Variants in KCTD8 observed in about 807,000 individuals in gnomAD.
KCTD8 encodes BTB/POZ domain-containing protein KCTD8.
In KCTD8, 27 loss-of-function variants were observed where a neutral mutation model predicts 31.5. The ratio of observed to expected loss-of-function variants is 0.86; its 90% CI spans 0.63 to 1.18. KCTD8 has a LOEUF of 1.18. Among genes scored for constraint, KCTD8 ranks in the 50% most tolerant of loss-of-function variants. The pLI is 0.00. For missense variants in KCTD8, 658 were observed against 647.7 expected (o/e 1.02, Z -0.17); for synonymous variants, 290 against 280.0 (o/e 1.04, Z -0.36).
intron 1 of KCTD8, among the ~76,000 whole-genome samples, chr4:44,276,966 A>G (rs1716768668): frequency 6.6e-6 from 1 of 151,976 alleles, no homozygotes; most frequent in African/African-American, 2.4e-5. Flanking sequence ...CAGCCTAGCT[A>G]CTTAACTCTG....
intron 1 of KCTD8, among the ~76,000 whole-genome samples, chr4:44,323,971 CAGCATGGCACATGT>C: frequency 6.7e-6 from 1 of 149,910 alleles, no homozygotes; most frequent in East Asian, 2.0e-4. Context: ...TGCAGCGCAC[CAGCATGGCACATGT>C]ATACATATGT....
At chr4:44,406,871 A>G (rs2109460712) in intron 1 of KCTD8, among the ~76,000 whole-genome samples, 1 of 152,328 alleles carries the variant, frequency 6.6e-6, no homozygotes, top group South Asian at 2.1e-4. Flanking sequence ...TTCTGTTCTC[A>G]GGTTAATTTT....
chr4:44,331,967 C>A (rs1228059523), intron 1 of KCTD8, among the ~76,000 whole-genome samples: 1 of 151,336 alleles, frequency 6.6e-6, no homozygotes, highest in Non-Finnish European at 1.5e-5. Context: ...CTTCAAAAAC[C>A]CGAAATAAGG....
At chr4:44,240,969 CT>C (rs1715441530) in intron 1 of KCTD8, among the ~76,000 whole-genome samples, 1 of 152,218 alleles carries the variant, frequency 6.6e-6, no homozygotes, top group African/African-American at 2.4e-5. Context: ...TCTCCATGAT[CT>C]CAGGCAGAAT....
chr4:44,175,338 T>C, intron 1 of KCTD8, 88 bp from the exon 2 acceptor site: 1 of 786,654 alleles, frequency 1.3e-6, no homozygotes, highest in South Asian at 2.3e-5. Flanking sequence ...TATTTTCTAT[T>C]TTAAACCAAG....
intron 1 of KCTD8, among the ~76,000 whole-genome samples, chr4:44,299,772 C>CT (rs576621306): frequency 0.3 from 40,156 of 134,468 alleles, 7,248 homozygotes; most frequent in Non-Finnish European, 0.42. Context: ...TTTTCCTTTT[C>CT]TTTTTTTTTT....
At chr4:44,372,558 A>C (rs1231876477) in intron 1 of KCTD8, among the ~76,000 whole-genome samples, 1 of 152,176 alleles carries the variant, frequency 6.6e-6, no homozygotes, top group Non-Finnish European at 1.5e-5. Context: ...AAAGAAGAAA[A>C]AGAGGATGTC....
At chr4:44,197,482 C>G (rs555302499) in intron 1 of KCTD8, among the ~76,000 whole-genome samples, 1 of 152,096 alleles carries the variant, frequency 6.6e-6, no homozygotes, top group Non-Finnish European at 1.5e-5. Context: ...TGCTAAAATA[C>G]AAAAGAGCCA....
intron 1 of KCTD8, among the ~76,000 whole-genome samples, chr4:44,256,841 T>A (rs1449920936): frequency 6.6e-6 from 1 of 151,950 alleles, no homozygotes; most frequent in African/African-American, 2.4e-5. Flanking sequence ...TCATTTTAGA[T>A]TGCTGACTTC....
At position 44,448,672 on chromosome 4, in the gene KCTD8, C is replaced by T. The variant is rs912576484; in HGVS notation, c.-149G>A. 1 of 833,638 alleles carries T rather than the reference C, an allele frequency of 1.2e-6. No homozygotes were observed. The highest frequency in any genetic ancestry group is 5.7e-5 in the South Asian group (1 of 17,526). The allele number at this position is 833,638 out of a possible 1,614,324, so 51.6% of individuals were successfully genotyped here. ...GACCGGGGCGGCCCCGCTCAGGGTTCGGGGCAGCGGCGGCGTCGGCGGCGC... is the reference window on the plus strand; with the variant it reads ...GACCGGGGCGGCCCCGCTCAGGGTTTGGGGCAGCGGCGGCGTCGGCGGCGC... On this transcript the variant is annotated 5_prime_UTR_variant, in exon 1 of 2. Coordinates refer to ENST00000360029, the MANE Select transcript of KCTD8 (RefSeq NM_198353.3). The surrounding 1 kb of genome is among the most constrained non-coding windows in gnomAD (Gnocchi z 4.1).
At chr4:44,375,545 G>A (rs543665798) in intron 1 of KCTD8, among the ~76,000 whole-genome samples, 1 of 152,214 alleles carries the variant, frequency 6.6e-6, no homozygotes, top group Non-Finnish European at 1.5e-5. Context: ...TTCCACAGTA[G>A]CCAAATGCTA....
At chr4:44,337,047 G>C (rs1164703246) in intron 1 of KCTD8, among the ~76,000 whole-genome samples, 1 of 152,070 alleles carries the variant, frequency 6.6e-6, no homozygotes, top group South Asian at 2.1e-4. Flanking sequence ...AAGAGGATCT[G>C]AACTAATATG....
intron 1 of KCTD8, among the ~76,000 whole-genome samples, chr4:44,347,173 TG>T (rs1309156027): frequency 6.6e-6 from 1 of 152,216 alleles, no homozygotes; most frequent in Non-Finnish European, 1.5e-5. Context: ...AATGAGCAAT[TG>T]CTCACATTAT....
rs1004101435 is a variant in KCTD8, at chr4:44,312,541, G to A, written c.961+135022C>T. On this transcript the variant is annotated intron_variant, in intron 1 of 1. Transcript: ENST00000360029. ...AAGCAATAGAGAAAGAATAGCTACC[G>A]TATGAATACAGAACTAACTTCTGTA... Among the ~76,000 whole-genome samples the A allele has an allele frequency of 5.3e-5, 8 of 152,072 alleles. No homozygotes were observed. In the East Asian group the frequency reaches 5.8e-4, roughly 11 times the overall value.
At chr4:44,345,099 C>T (rs944551111) in intron 1 of KCTD8, among the ~76,000 whole-genome samples, 2 of 152,104 alleles carry the variant, frequency 1.3e-5, no homozygotes, top group African/African-American at 4.8e-5. Context: ...ACAGTTTCTT[C>T]TTTCTTATGC....
intron 1 of KCTD8, among the ~76,000 whole-genome samples, chr4:44,194,867 T>C (rs1652121521): frequency 7.2e-6 from 1 of 138,864 alleles, no homozygotes; most frequent in African/African-American, 2.7e-5. Context: ...CTCTCTCTTT[T>C]TTTTTTGGAT....
chr4:44,275,369 T>G lies in KCTD8; in HGVS notation c.962-100119A>C, dbSNP rs183986263. ...TCCTTTCTTCCTCCTTTCCACCCTC[T>G]GTCCCTCCCGCCCTCTCTCCCTTTT... On this transcript the variant is annotated intron_variant, in intron 1 of 1. Transcript: ENST00000360029. Among the ~76,000 whole-genome samples the G allele has an allele frequency of 3.9e-4, 60 of 152,078 alleles. No individual in the cohort carries two copies. In the East Asian group the frequency reaches 9.5e-3, roughly 24 times the overall value.
At chr4:44,320,067 G>T (rs2109405332) in intron 1 of KCTD8, among the ~76,000 whole-genome samples, 1 of 150,474 alleles carries the variant, frequency 6.6e-6, no homozygotes, top group African/African-American at 2.4e-5. Context: ...AGGTACTTGG[G>T]AGGCTGAGGC....
intron 1 of KCTD8, among the ~76,000 whole-genome samples, chr4:44,364,816 A>C (rs953313176): frequency 2.6e-5 from 4 of 152,112 alleles, no homozygotes; most frequent in Non-Finnish European, 5.9e-5. Context: ...GGCTACATGC[A>C]TGTGATTCCA....
Sources: allele counts gnomAD v4.1 joint callset (sites outside exome capture counted in the v4.1 genomes callset), GRCh38; gene constraint gnomAD v4.1.1; non-coding constraint Gnocchi (gnomAD v3.1); transcripts MANE v1.5; gene names NCBI Gene and HGNC (gene_info 2026-07-23, HGNC 2026-07-21).